ANTXR2: variants seen among roughly 807,000 people sequenced by gnomAD.
ANTXR2 encodes the protein anthrax toxin receptor 2.
ANTXR2 carries 44 observed loss-of-function variants against 73.7 expected under a neutral mutation model. The ratio of observed to expected loss-of-function variants is 0.60; its 90% CI spans 0.47 to 0.77. The LOEUF is 0.77. Among genes scored for constraint, ANTXR2 ranks in the 30% least tolerant of loss-of-function variants. The pLI, the probability that ANTXR2 is intolerant of heterozygous loss-of-function variation, is 0.00. For missense variants in ANTXR2, 604 were observed against 592.5 expected (o/e 1.02, Z -0.20); for synonymous variants, 217 against 205.9 (o/e 1.05, Z -0.46).
Position 79,980,038 on chromosome 4 carries a change from A to G in ANTXR2, c.1180-1864T>C, listed in dbSNP as rs991315741. On this transcript the variant is annotated intron_variant, in intron 14 of 16. Transcript: ENST00000403729. ...TAATGATAATCATATTCTTCTTTCA[A>G]GTTTCACTGGCACTATTCTCAGATT... Among the ~76,000 whole-genome samples the G allele has an allele frequency of 3.3e-5, 5 of 152,152 alleles. No homozygotes were observed. In the East Asian group the frequency reaches 9.6e-4, roughly 29 times the overall value.
chr4:79,949,771 T>A (rs540771303), intron 16 of ANTXR2, among the ~76,000 whole-genome samples: 1 of 152,288 alleles, frequency 6.6e-6, no homozygotes, highest in South Asian at 2.1e-4. Context: ...AGGTATGGAA[T>A]AAATTTTAGT....
At chr4:80,005,203 C>T (rs1461126798) in intron 12 of ANTXR2, among the ~76,000 whole-genome samples, 2 of 152,000 alleles carry the variant, frequency 1.3e-5, no homozygotes, top group Non-Finnish European at 2.9e-5. Context: ...CCTGAGCATA[C>T]GATGCTCATG....
intron 10 of ANTXR2, among the ~76,000 whole-genome samples, chr4:80,029,599 A>T (rs1475699303): frequency 6.6e-6 from 1 of 152,098 alleles, no homozygotes; most frequent in Admixed American, 6.6e-5. Flanking sequence ...AGCAGGAAGT[A>T]GAAACATAAT....
At chr4:79,919,604 T>G (rs1214241702) in intron 16 of ANTXR2, among the ~76,000 whole-genome samples, 1 of 151,908 alleles carries the variant, frequency 6.6e-6, no homozygotes, top group Admixed American at 6.6e-5. Flanking sequence ...TGCTGGATAC[T>G]TCCTGCCCTC....
chr4:80,062,985 G>C (rs977901911), intron 3 of ANTXR2, among the ~76,000 whole-genome samples: 1 of 151,184 alleles, frequency 6.6e-6, no homozygotes, highest in Non-Finnish European at 1.5e-5. Context: ...CAAAGCAACA[G>C]CAAGAAAAGA....
At chr4:80,054,501 A>C in intron 6 of ANTXR2, 149 bp from the exon 7 acceptor site, 1 of 596,006 alleles carries the variant, frequency 1.7e-6, no homozygotes, top group Non-Finnish European at 3.0e-6. Context: ...CAGGAATTAA[A>C]GGTGATGATA....
At chr4:80,064,534 A>G (rs950641025) in intron 3 of ANTXR2, among the ~76,000 whole-genome samples, 2 of 152,190 alleles carry the variant, frequency 1.3e-5, no homozygotes, top group Non-Finnish European at 2.9e-5. Flanking sequence ...AGAGTCATCA[A>G]GATAAAAATA....
At chr4:80,016,480 G>A (rs574664255) in intron 11 of ANTXR2, among the ~76,000 whole-genome samples, 1 of 152,278 alleles carries the variant, frequency 6.6e-6, no homozygotes, top group South Asian at 2.1e-4. Context: ...CTAAGCTCCT[G>A]GAAGCCACTA....
At chr4:80,003,673 C>T (rs1231616845) in intron 12 of ANTXR2, among the ~76,000 whole-genome samples, 1 of 151,982 alleles carries the variant, frequency 6.6e-6, no homozygotes, top group Non-Finnish European at 1.5e-5. Flanking sequence ...ATGTTCCTCA[C>T]TAGCTGTTAT....
At chr4:79,951,991 T>C (rs1355002426) in intron 16 of ANTXR2, among the ~76,000 whole-genome samples, 3 of 152,128 alleles carry the variant, frequency 2.0e-5, no homozygotes, top group African/African-American at 7.2e-5. Context: ...TTGATAACTA[T>C]GTATTAAATA....
chr4:79,908,655 C>T (rs1560839161), intron 16 of ANTXR2, among the ~76,000 whole-genome samples: 1 of 152,072 alleles, frequency 6.6e-6, no homozygotes, highest in African/African-American at 2.4e-5. Context: ...ACTACAATTG[C>T]CAATTTTTAT....
In ANTXR2 at chr4:79,907,093, G is replaced by C. The variant is rs4690108; in HGVS notation, c.*336C>G. 2 of 308,872 alleles carry C rather than the reference G, an allele frequency of 6.5e-6. No homozygotes were observed. The highest frequency in any genetic ancestry group is 4.5e-5 in the African/African-American group (2 of 44,808). The allele number at this position is 308,872 out of a possible 1,614,324, so 19.1% of individuals were successfully genotyped here. A position where few individuals can be genotyped will look rare whatever the true frequency, so the allele number is the denominator to read the frequency against. ...TGGTCCTTGTTTTGGTATCATCTTC[G>C]TGTTGTTGCTGTTGTTGCTTTTTCC... On this transcript the variant is annotated 3_prime_UTR_variant, in exon 17 of 17. Transcript: ENST00000403729.
chr4:80,070,380 G>A (rs1232381229), intron 2 of ANTXR2, among the ~76,000 whole-genome samples: 1 of 152,192 alleles, frequency 6.6e-6, no homozygotes, highest in Non-Finnish European at 1.5e-5. Flanking sequence ...ATAAGAGCTT[G>A]CTTCTTTAAA....
intron 16 of ANTXR2, among the ~76,000 whole-genome samples, chr4:79,935,223 A>T (rs901354807): frequency 6.6e-6 from 1 of 151,350 alleles, no homozygotes; most frequent in African/African-American, 2.4e-5. Flanking sequence ...TCGCCCCCCA[A>T]CTTTTTTTTT....
intron 16 of ANTXR2, among the ~76,000 whole-genome samples, chr4:79,963,014 G>A (rs1025789845): frequency 1.3e-5 from 2 of 152,086 alleles, no homozygotes; most frequent in Non-Finnish European, 1.5e-5. Flanking sequence ...GTTACACTTC[G>A]CAACTGTGAT....
Position 80,072,617 on chromosome 4 carries a change from G to A in ANTXR2, c.-57C>T. ...CTCGCAGTCCCCTAAGCTCAGGAGG[G>A]TCGCAAAGGTGGCGGGAGTCACCCG... On this transcript the variant is annotated 5_prime_UTR_variant, in exon 1 of 17. Transcript: ENST00000403729. The A allele has an allele frequency of 5.0e-6, 7 of 1,395,022 alleles. No individual in the cohort carries two copies. The South Asian group carries it at 8.0e-5, about 16-fold the overall frequency. 86.4% of individuals were successfully genotyped at this position (1,395,022 alleles called of 1,614,324 possible).
At chr4:80,052,762 A>T (rs1323365033) in intron 7 of ANTXR2, among the ~76,000 whole-genome samples, 1 of 151,672 alleles carries the variant, frequency 6.6e-6, no homozygotes, top group East Asian at 1.9e-4. Context: ...AACTTTAGGC[A>T]AGAAAGGCCA....
At chr4:80,028,496 G>A (rs1014662058) in intron 10 of ANTXR2, among the ~76,000 whole-genome samples, 7 of 152,096 alleles carry the variant, frequency 4.6e-5, no homozygotes, top group African/African-American at 1.7e-4. Context: ...AATGAGATGA[G>A]GCACATGCCC....
At chr4:79,913,511 T>C (rs1560846751) in intron 16 of ANTXR2, among the ~76,000 whole-genome samples, 4 of 152,156 alleles carry the variant, frequency 2.6e-5, no homozygotes, top group Admixed American at 1.3e-4. Context: ...GAAATAAATA[T>C]AAGAGAGGCT....
Sources: gnomAD v4.1 joint callset for allele counts (sites outside exome capture counted in the v4.1 genomes callset) on GRCh38, gnomAD v4.1.1 for gene constraint, MANE v1.5 for transcripts, NCBI Gene and HGNC (gene_info 2026-07-23, HGNC 2026-07-21) for gene names.